The following WT1 variants were observed in gnomAD, a reference collection of about 807,000 sequenced individuals.
WT1 encodes the protein WT1 transcription factor.
A neutral mutation model predicts 60.8 loss-of-function variants in WT1; 8 were observed. The observed-to-expected ratio is 0.13, with a 90% CI of 0.08 to 0.24. WT1 has a LOEUF of 0.24. WT1 is among the 10% of genes least tolerant of loss of function. The probability of loss-of-function intolerance (pLI) is 1.00; values close to 1 mark genes in which losing one functional copy is unlikely to be tolerated. For synonymous variants in WT1, 312 were observed against 297.1 expected (o/e 1.05, Z -0.52); for missense variants, 568 against 711.8 (o/e 0.80, Z 2.30).
chr11:32,417,660 A>T lies in WT1; in HGVS notation c.888-6T>A. 6.2e-7 allele frequency: 1 copy of T among 1,612,216 alleles called. No homozygotes were observed. Among genetic ancestry groups the T allele is most frequent in the Non-Finnish European group, 8.5e-7 (1 of 1,178,484 alleles). On this transcript the variant is annotated splice_region_variant and splice_polypyrimidine_tract_variant and intron_variant, in intron 3 of 9. Transcript: ENST00000452863. ...TCATTTGGTATAAATTGTCACTGTTAGAAAAACATCTAGAGTTAGAAACAC... is the reference window on the plus strand; with the variant it reads ...TCATTTGGTATAAATTGTCACTGTTTGAAAAACATCTAGAGTTAGAAACAC...
intron 2 of WT1, 62 bp from the exon 3 acceptor site, chr11:32,428,120 C>A (rs914899908): frequency 2.6e-5 from 38 of 1,436,410 alleles, no homozygotes; most frequent in Non-Finnish European, 2.9e-5. Context: ...TGCGAGGCTG[C>A]GGGCAGGGGT....
chr11:32,425,353 A>C (rs1168961930), intron 3 of WT1, among the ~76,000 whole-genome samples: 1 of 152,160 alleles, frequency 6.6e-6, no homozygotes, highest in Non-Finnish European at 1.5e-5. Flanking sequence ...ACCAGGGACC[A>C]GTAGAAGCAC....
chr11:32,424,148 G>A (rs1166929732), intron 3 of WT1, among the ~76,000 whole-genome samples: 7 of 124,282 alleles, frequency 5.6e-5, no homozygotes, highest in African/African-American at 1.3e-4. Context: ...GCAACAGAGC[G>A]AGATGCCATC....
At chr11:32,429,458 G>T (rs1853188999) in intron 1 of WT1, among the ~76,000 whole-genome samples, 1 of 117,794 alleles carries the variant, frequency 8.5e-6, no homozygotes, top group Non-Finnish European at 1.7e-5. Flanking sequence ...GGAAATCCTA[G>T]CATTCCCCCC....
chr11:32,396,338 G>T lies in WT1; in HGVS notation c.1183C>A (p.Pro395Thr), dbSNP rs267602850. Residue 395 changes from proline (P) to threonine (T), a missense_variant, in exon 7 of 10, where the codon CCC (proline) becomes ACC (threonine). By Grantham distance (38) the Pro-to-Thr change is conservative (BLOSUM62 -1). Coordinates refer to ENST00000452863, the MANE Select transcript of WT1 (RefSeq NM_024426.6). The stretch of plus-strand genomic sequence containing the variant: ...CAGCCTGGGTAAGCACACATGAAGG[G>T]GCGTTTCTCACTGGTCTCAGATGCC... The T allele has an allele frequency of 6.2e-7, 1 of 1,614,156 alleles. No individual in the cohort carries two copies. Among genetic ancestry groups the T allele is most frequent in the Non-Finnish European group, 8.5e-7 (1 of 1,180,040 alleles).
At chr11:32,393,983 C>T (rs73473736) in intron 7 of WT1, among the ~76,000 whole-genome samples, 18,923 of 152,196 alleles carry the variant, frequency 0.12, 1,550 homozygotes, top group African/African-American at 0.23. Flanking sequence ...GCCTCGAAAC[C>T]GTGGGCACAA....
At chr11:32,420,317 C>T (rs1370254589) in intron 3 of WT1, among the ~76,000 whole-genome samples, 1 of 152,198 alleles carries the variant, frequency 6.6e-6, no homozygotes, top group African/African-American at 2.4e-5. Context: ...CAAATCAGTT[C>T]AGCTCCCTGC....
intron 7 of WT1, among the ~76,000 whole-genome samples, chr11:32,394,707 C>T (rs1004213663): frequency 6.6e-6 from 1 of 152,194 alleles, no homozygotes; most frequent in African/African-American, 2.4e-5. Context: ...AAATATTGCT[C>T]TCTTTCAAGG....
At chr11:32,420,038 C>A (rs998754550) in intron 3 of WT1, among the ~76,000 whole-genome samples, 20 of 152,312 alleles carry the variant, frequency 1.3e-4, no homozygotes, top group Admixed American at 5.2e-4. Flanking sequence ...GGCAAATCTT[C>A]TCAAATACAA....
intron 8 of WT1, 67 bp downstream of exon 8, chr11:32,392,599 A>G: frequency 6.8e-7 from 1 of 1,467,144 alleles, no homozygotes; most frequent in Non-Finnish European, 9.5e-7. Flanking sequence ...AACAACAAAG[A>G]GAATCATGAA....
intron 1 of WT1, among the ~76,000 whole-genome samples, chr11:32,434,263 G>A (rs1325105061): frequency 6.6e-6 from 1 of 152,228 alleles, no homozygotes; most frequent in Non-Finnish European, 1.5e-5. Flanking sequence ...GCTCACCCCC[G>A]CGCTGGTCCC....
intron 3 of WT1, among the ~76,000 whole-genome samples, chr11:32,422,772 C>T (rs1852896428): frequency 6.6e-6 from 1 of 152,214 alleles, no homozygotes; most frequent in Admixed American, 6.5e-5. Flanking sequence ...TGATTGCTTC[C>T]AGAGTCGGAG....
chr11:32,416,934 G>T (rs1271383970), intron 4 of WT1, among the ~76,000 whole-genome samples: 1 of 152,178 alleles, frequency 6.6e-6, no homozygotes, highest in African/African-American at 2.4e-5. Context: ...CACTTCATGA[G>T]TGTTCTATGC....
intron 5 of WT1, 139 bp downstream of exon 5, chr11:32,416,351 G>T: frequency 9.7e-7 from 1 of 1,033,990 alleles, no homozygotes; most frequent in East Asian, 2.4e-5. Flanking sequence ...AGAAGAGGTG[G>T]GGGCGGGGGA....
At chr11:32,430,489 AGAC>A in intron 1 of WT1, 1 of 1,571,778 alleles carries the variant, frequency 6.4e-7, no homozygotes. Context: ...AGAGAGAGAG[AGAC>A]GAAATAGAAG....
chr11:32,392,903 A>G (rs890471606), intron 7 of WT1, 148 bp from the exon 8 acceptor site: 2 of 699,528 alleles, frequency 2.9e-6, no homozygotes, highest in Admixed American at 4.2e-5. Flanking sequence ...CCCAACTTGC[A>G]AGTTACAAAT....
chr11:32,429,154 G>A (rs1853175979), intron 1 of WT1: 1 of 241,798 alleles, frequency 4.1e-6, no homozygotes, highest in South Asian at 6.1e-5. Flanking sequence ...ACCGAGTAAT[G>A]TTATCTGTCT....
At chr11:32,427,781 G>C (rs568197242) in intron 3 of WT1, among the ~76,000 whole-genome samples, 175 bp downstream of exon 3, 3 of 152,352 alleles carry the variant, frequency 2.0e-5, no homozygotes, top group African/African-American at 7.2e-5. Context: ...CAGAGACCAG[G>C]GAGATCAGCT....
intron 4 of WT1, among the ~76,000 whole-genome samples, chr11:32,416,954 T>A (rs1852693645): frequency 6.6e-6 from 1 of 152,184 alleles, no homozygotes; most frequent in Admixed American, 6.5e-5. Flanking sequence ...CTACTGCCCA[T>A]CTCTTCACAC....
Sources: allele counts gnomAD v4.1 joint callset (sites outside exome capture counted in the v4.1 genomes callset), GRCh38; gene constraint gnomAD v4.1.1; transcripts MANE v1.5; gene names NCBI Gene and HGNC (gene_info 2026-07-23, HGNC 2026-07-21).